Variants in CCNB3 observed in about 807,000 individuals in gnomAD.
CCNB3 encodes the protein cyclin B3, also known as G2/mitotic-specific cyclin-B3.
In CCNB3, 12 loss-of-function variants were observed where a neutral mutation model predicts 68.0. The ratio of observed to expected loss-of-function variants is 0.18; its 90% CI spans 0.11 to 0.29. The LOEUF (loss-of-function observed/expected upper bound fraction) is 0.29, where lower values mean the gene tolerates loss of function less well. Ranked by LOEUF, CCNB3 falls within the 10% of genes least tolerant of loss-of-function variation. The pLI, the probability that CCNB3 is intolerant of heterozygous loss-of-function variation, is 1.00. For synonymous variants in CCNB3, 354 were observed against 388.9 expected (o/e 0.91, Z 1.06); for missense variants, 904 against 993.1 (o/e 0.91, Z 1.21).
At chrX:50,298,045 G>C (rs1484488203) in intron 5 of CCNB3, among the ~76,000 whole-genome samples, 4 of 111,559 alleles carry the variant, frequency 3.6e-5, no homozygotes, top group Admixed American at 1.9e-4. Flanking sequence ...AGACAATGGG[G>C]TTTTCTAGAT....
intron 5 of CCNB3, 59 bp from the exon 6 acceptor site, chrX:50,308,446 T>C (rs782489885): frequency 3.9e-6 from 3 of 767,123 alleles, no homozygotes; most frequent in African/African-American, 2.1e-5. Context: ...CAAAAGGAAA[T>C]GGTAGGTGAG....
intron 8 of CCNB3, among the ~76,000 whole-genome samples, chrX:50,340,894 C>T (rs1359843945): frequency 9.0e-6 from 1 of 111,529 alleles, no homozygotes; most frequent in African/African-American, 3.3e-5. Flanking sequence ...CAACGTGCCC[C>T]TGAATGACAA....
intron 1 of CCNB3, among the ~76,000 whole-genome samples, chrX:50,226,247 AAT>A (rs1249625304): frequency 1.5e-5 from 1 of 68,049 alleles, no homozygotes; most frequent in Non-Finnish European, 2.4e-5. Context: ...ATATATATAG[AAT>A]ATATATATTT....
At chrX:50,332,369 A>G (rs1557218194) in intron 8 of CCNB3, among the ~76,000 whole-genome samples, 1 of 111,643 alleles carries the variant, frequency 9.0e-6, no homozygotes, top group Non-Finnish European at 1.9e-5. Context: ...CTAGGCATTC[A>G]TAGTAACTAT....
At chrX:50,279,441 T>A (rs1354152696) in intron 1 of CCNB3, among the ~76,000 whole-genome samples, 4 of 69,972 alleles carry the variant, frequency 5.7e-5, no homozygotes, top group South Asian at 5.8e-4. Flanking sequence ...TAAATATATA[T>A]ATAAATATAT....
chrX:50,351,642 A>G lies in CCNB3; in HGVS notation c.4127A>G (p.Asp1376Gly). ...FFEVAKIPAL[D>G]MLKLEEILNC... ...GAAGTCGCCAAAATCCCTGCCTTGG[A>G]TATGTTGAAGCTGGAGGAGATTTTG... is the stretch of plus-strand genomic sequence containing the variant. Residue 1376 changes from aspartate (D) to glycine (G), a missense_variant, in exon 13 of 13, where the codon GAT (aspartate) becomes GGT (glycine). Physicochemically the swap from Asp to Gly is moderately conservative, Grantham distance 94. This residue lies in a region of CCNB3 where 285 missense variants were observed against 383.4 expected (regional missense o/e 0.74). Coordinates refer to ENST00000376042, the MANE Select transcript of CCNB3 (RefSeq NM_033031.3). 1.7e-6 allele frequency: 2 copies of G among 1,211,268 alleles called. No homozygotes were observed. The highest frequency in any genetic ancestry group is 2.2e-6 in the Non-Finnish European group (2 of 895,375).
At chrX:50,283,505 C>A (rs1308211326) in intron 1 of CCNB3, among the ~76,000 whole-genome samples, 2 of 111,562 alleles carry the variant, frequency 1.8e-5, no homozygotes, top group African/African-American at 6.5e-5. Flanking sequence ...TCCTGACCTA[C>A]AAAATGTTTC....
chrX:50,350,074 G>A (rs1203616731), intron 11 of CCNB3, among the ~76,000 whole-genome samples: 2 of 110,405 alleles, frequency 1.8e-5, no homozygotes, highest in Non-Finnish European at 1.9e-5. Context: ...TTTTTAACTC[G>A]CTGTTTGCAC....
chrX:50,221,985 G>T, intron 1 of CCNB3, among the ~76,000 whole-genome samples: 1 of 111,246 alleles, frequency 9.0e-6, no homozygotes, highest in Middle Eastern at 4.6e-3. Flanking sequence ...AGGATAGTTA[G>T]CTCTGGTTGT....
At chrX:50,347,009 C>T (rs1287593467) in intron 10 of CCNB3, among the ~76,000 whole-genome samples, 1 of 110,783 alleles carries the variant, frequency 9.0e-6, no homozygotes, top group Non-Finnish European at 1.9e-5. Flanking sequence ...TGCAGATTTC[C>T]ACAGTGTGCC....
At chrX:50,325,850 T>G (rs782667660) in intron 8 of CCNB3, among the ~76,000 whole-genome samples, 1 of 111,776 alleles carries the variant, frequency 8.9e-6, no homozygotes, top group Non-Finnish European at 1.9e-5. Context: ...CTATAAATTG[T>G]TTAGGGTGTA....
At chrX:50,323,124 G>A (rs1557216763) in intron 8 of CCNB3, among the ~76,000 whole-genome samples, 1 of 111,780 alleles carries the variant, frequency 8.9e-6, no homozygotes. Flanking sequence ...GCACATGTAT[G>A]TTTATTGCAG....
In CCNB3 at chrX:50,341,329, C is replaced by CAATAAATAAATA. The variant is rs199995900; in HGVS notation, c.3517-839_3517-828dup. Among the ~76,000 whole-genome samples the CAATAAATAAATA allele has an allele frequency of 3.1e-3, 270 of 86,708 alleles. 1 individual carries two copies. Among genetic ancestry groups the CAATAAATAAATA allele is most frequent in the Middle Eastern group, 5.5e-3 (1 of 183 alleles). The allele number at this position is 86,708 out of a possible 115,157, so 75.3% of individuals were successfully genotyped here. ...TGGGAGACAGAGCGAAACTCCGTCTCAATAAATAAATAAATAAATAAATAA... is the reference window on the plus strand; with the variant it reads ...TGGGAGACAGAGCGAAACTCCGTCTCAATAAATAAATAAATAAATAAATAAATAAATAAATAA... On this transcript the variant is annotated intron_variant, in intron 8 of 12. Coordinates refer to ENST00000376042, the MANE Select transcript of CCNB3 (RefSeq NM_033031.3).
At position 50,309,332 on chromosome X, in the gene CCNB3, A is replaced by T. The variant is rs1557214156; in HGVS notation, c.1163A>T (p.Gln388Leu). The T allele has an allele frequency of 8.3e-7, 1 of 1,209,453 alleles. No homozygotes were observed. ...ATGATGCCAGTAATATTGAAGGAGC[A>T]GTGCATGACTGAGGGGAAGAGGTCC... ...AIMMPVILKE[Q>L]CMTEGKRSRL... Residue 388 changes from glutamine to leucine, a missense_variant, in exon 6 of 13, where the codon CAG (glutamine) becomes CTG (leucine). Gln to Leu is a moderately radical substitution (Grantham distance 113, BLOSUM62 -2). Around this residue, in one of 2 missense-constraint regions of CCNB3, gnomAD observed 619 missense variants for 609.8 expected, o/e 1.02. Coordinates refer to ENST00000376042, the MANE Select transcript of CCNB3 (RefSeq NM_033031.3).
chrX:50,313,868 C>T lies in CCNB3; in HGVS notation c.3436C>T (p.Leu1146Phe). ...TCATCAATGCCAGGAACAGTTTATA[C>T]TTACAGATTACATGAACAGGCAGAT... ...YMKEREEQFI[L>F]TDYMNRQIEI... is the part of the protein sequence containing the mutation. Residue 1146 changes from leucine to phenylalanine, a missense_variant, in exon 8 of 13, where the codon CTT becomes TTT. Coordinates refer to ENST00000376042, the MANE Select transcript of CCNB3 (RefSeq NM_033031.3). The T allele has an allele frequency of 8.3e-7, 1 of 1,204,173 alleles. No homozygotes were observed. Among genetic ancestry groups the T allele is most frequent in the Middle Eastern group, 2.3e-4 (1 of 4,333 alleles).
intron 1 of CCNB3, among the ~76,000 whole-genome samples, chrX:50,220,453 G>A (rs1935649601): frequency 9.0e-6 from 1 of 111,615 alleles, no homozygotes; most frequent in Non-Finnish European, 1.9e-5. Context: ...TCAGTACTTA[G>A]TTTATTGAGA....
intron 8 of CCNB3, among the ~76,000 whole-genome samples, chrX:50,323,011 C>T (rs1457683093): frequency 5.4e-5 from 6 of 111,774 alleles, no homozygotes; most frequent in African/African-American, 6.5e-5. Context: ...GACAGTGTGG[C>T]GATTCCTCAG....
chrX:50,318,908 C>T (rs1921879033), intron 8 of CCNB3, among the ~76,000 whole-genome samples: 1 of 111,618 alleles, frequency 9.0e-6, no homozygotes, highest in Non-Finnish European at 1.9e-5. Flanking sequence ...GTTTACTTGA[C>T]CAGTTCCCAA....
intron 12 of CCNB3, 80 bp from the exon 13 acceptor site, chrX:50,351,527 G>T (rs782612377): frequency 7.1e-5 from 74 of 1,040,724 alleles, no homozygotes; most frequent in Non-Finnish European, 9.6e-5. Context: ...GAAACTAAGG[G>T]CTGTATGTCC....
Sources: allele counts gnomAD v4.1 joint callset (sites outside exome capture counted in the v4.1 genomes callset), GRCh38; gene constraint gnomAD v4.1.1; regional missense constraint gnomAD v4.1.1; transcripts MANE v1.5; gene names NCBI Gene and HGNC (gene_info 2026-07-23, HGNC 2026-07-21).